The following ERBB4 variants were observed in gnomAD, a reference collection of about 807,000 sequenced individuals.
The protein encoded by ERBB4 is receptor tyrosine-protein kinase erbB-4.
A neutral mutation model predicts 158.0 loss-of-function variants in ERBB4; 42 were observed. That is an observed-to-expected ratio of 0.27 (90% CI 0.21 to 0.34). The LOEUF (loss-of-function observed/expected upper bound fraction) is 0.34. ERBB4 is among the 10% of genes least tolerant of loss of function. The pLI is 1.00. For synonymous variants in ERBB4, 583 were observed against 558.7 expected (o/e 1.04, Z -0.61); for missense variants, 1,333 against 1,624.1 (o/e 0.82, Z 3.08).
At chr2:211,757,357 C>T (rs1477901270) in intron 4 of ERBB4, among the ~76,000 whole-genome samples, 1 of 152,086 alleles carries the variant, frequency 6.6e-6, no homozygotes, top group Non-Finnish European at 1.5e-5. Flanking sequence ...AAACTAAAAA[C>T]ATTTATCGTT....
intron 2 of ERBB4, among the ~76,000 whole-genome samples, chr2:212,083,984 G>A (rs1172625534): frequency 6.6e-6 from 1 of 150,502 alleles, no homozygotes; most frequent in Admixed American, 6.6e-5. Flanking sequence ...CACACTTATA[G>A]GTCTTTCCTT....
chr2:211,765,737 A>T (rs2075536819), intron 4 of ERBB4, among the ~76,000 whole-genome samples: 1 of 152,212 alleles, frequency 6.6e-6, no homozygotes, highest in Non-Finnish European at 1.5e-5. Flanking sequence ...AAATTTAGAA[A>T]TGTAGAAGTG....
In ERBB4 at chr2:211,679,146, C is replaced by T. The variant is rs1361402584; in HGVS notation, c.1528G>A (p.Asp510Asn). ...GMVCNHLCSSDGCWGPGPDQC... is the reference protein window; with the variant it reads ...GMVCNHLCSSNGCWGPGPDQC... ...TCTGGCCCAGGTCCCCAACAGCCAT[C>T]ACTGGAACACAGATGGTTGCACACC... Residue 510 changes from aspartate to asparagine, a missense_variant, in exon 13 of 28, where the codon GAT (aspartate) becomes AAT (asparagine). Physicochemically the swap from Asp to Asn is conservative, Grantham distance 23. Coordinates refer to ENST00000342788, the MANE Select transcript of ERBB4 (RefSeq NM_005235.3). 2.5e-6 allele frequency: 4 copies of T among 1,613,974 alleles called. No individual in the cohort carries two copies. The East Asian group carries it at 8.9e-5, about 36-fold the overall frequency.
At chr2:212,159,714 AC>A (rs2081148807) in intron 1 of ERBB4, among the ~76,000 whole-genome samples, 1 of 151,990 alleles carries the variant, frequency 6.6e-6, no homozygotes, top group South Asian at 2.1e-4. Flanking sequence ...AAGCAAGGCA[AC>A]CAGTTTAAAT....
At chr2:212,053,301 G>A (rs536571495) in intron 2 of ERBB4, among the ~76,000 whole-genome samples, 4 of 152,220 alleles carry the variant, frequency 2.6e-5, no homozygotes, top group South Asian at 2.1e-4. Context: ...TAATAAATCA[G>A]AAGTCATAAT....
chr2:211,826,634 T>G (rs1272819722), intron 3 of ERBB4, among the ~76,000 whole-genome samples: 4 of 151,880 alleles, frequency 2.6e-5, no homozygotes, highest in Admixed American at 1.3e-4. Context: ...ATTTGTTAAG[T>G]GAATGGATAG....
intron 1 of ERBB4, among the ~76,000 whole-genome samples, chr2:212,162,415 A>AG (rs2081229573): frequency 6.6e-6 from 1 of 151,868 alleles, no homozygotes; most frequent in South Asian, 2.1e-4. Flanking sequence ...TTGAGAAGTG[A>AG]GGGAGACACA....
intron 1 of ERBB4, among the ~76,000 whole-genome samples, chr2:212,537,867 C>T (rs906022642): frequency 6.6e-6 from 1 of 152,274 alleles, no homozygotes; most frequent in Non-Finnish European, 1.5e-5. Flanking sequence ...CCGAGGCGCG[C>T]CCGCCTGCTG....
intron 1 of ERBB4, among the ~76,000 whole-genome samples, chr2:212,167,092 G>A (rs766384579): frequency 2.0e-5 from 3 of 152,150 alleles, no homozygotes; most frequent in South Asian, 2.1e-4. Context: ...ATTGACAAAT[G>A]GGATCTAATT....
intron 12 of ERBB4, among the ~76,000 whole-genome samples, chr2:211,696,479 T>A (rs2073026807): frequency 1.3e-5 from 2 of 151,974 alleles, no homozygotes; most frequent in South Asian, 4.1e-4. Flanking sequence ...ATTTTTAAAA[T>A]GATAAAACTG....
Position 211,390,839 on chromosome 2 carries a change from G to GA in ERBB4, c.3136-2848dup, listed in dbSNP as rs553858749. On this transcript the variant is annotated intron_variant, in intron 25 of 27. Transcript: ENST00000342788. ...TTTTCCTGTTTTCAGCATTAAAATG[G>GA]AAAAAATGCTAAGCAAAACCCCTTT... Among the ~76,000 whole-genome samples the GA allele has an allele frequency of 2.2e-3, 330 of 152,222 alleles. 1 individual carries two copies. Among genetic ancestry groups the GA allele is most frequent in the Non-Finnish European group, 3.1e-3 (214 of 68,002 alleles).
intron 3 of ERBB4, among the ~76,000 whole-genome samples, chr2:211,920,146 A>G (rs958074512): frequency 6.6e-6 from 1 of 152,004 alleles, no homozygotes; most frequent in Non-Finnish European, 1.5e-5. Flanking sequence ...GAAAAATGTC[A>G]TTTGATTTAG....
chr2:212,051,211 T>C (rs1055137879), intron 2 of ERBB4, among the ~76,000 whole-genome samples: 1 of 152,164 alleles, frequency 6.6e-6, no homozygotes, highest in Non-Finnish European at 1.5e-5. Context: ...TTTATTTCTT[T>C]GTTCTGCTTG....
At chr2:211,867,377 C>A (rs531212337) in intron 3 of ERBB4, among the ~76,000 whole-genome samples, 1 of 152,116 alleles carries the variant, frequency 6.6e-6, no homozygotes, top group South Asian at 2.1e-4. Context: ...ATATATAGAT[C>A]TGCACAAAGC....
chr2:212,449,762 A>G (rs2092418037), intron 1 of ERBB4, among the ~76,000 whole-genome samples: 1 of 152,124 alleles, frequency 6.6e-6, no homozygotes, highest in Non-Finnish European at 1.5e-5. Context: ...TAGGTATAAA[A>G]TATTCTTGGA....
intron 9 of ERBB4, among the ~76,000 whole-genome samples, chr2:211,711,748 T>C (rs1465097693): frequency 1.3e-5 from 2 of 152,178 alleles, no homozygotes; most frequent in Non-Finnish European, 2.9e-5. Flanking sequence ...TCCCTAAACA[T>C]ATCTAAAAAT....
intron 16 of ERBB4, among the ~76,000 whole-genome samples, chr2:211,639,970 G>A (rs962754683): frequency 2.6e-5 from 4 of 152,194 alleles, no homozygotes; most frequent in South Asian, 4.1e-4. Flanking sequence ...TGATCTGCCC[G>A]CCTCGGCCTT....
At chr2:211,579,313 G>T (rs755958365) in intron 19 of ERBB4, among the ~76,000 whole-genome samples, 5 of 152,120 alleles carry the variant, frequency 3.3e-5, no homozygotes, top group Non-Finnish European at 7.3e-5. Flanking sequence ...TGCTGGAGAG[G>T]CTGTGGAGAT....
At chr2:211,519,591 T>C (rs2066135060) in intron 20 of ERBB4, among the ~76,000 whole-genome samples, 1 of 151,916 alleles carries the variant, frequency 6.6e-6, no homozygotes, top group Non-Finnish European at 1.5e-5. Flanking sequence ...CTAAAGGATA[T>C]GTAGAAAAAT....
Sources: allele counts gnomAD v4.1 joint callset (sites outside exome capture counted in the v4.1 genomes callset), GRCh38; gene constraint gnomAD v4.1.1; transcripts MANE v1.5; gene names NCBI Gene and HGNC (gene_info 2026-07-23, HGNC 2026-07-21).